Variants in CEMIP observed in about 807,000 individuals in gnomAD.
CEMIP encodes the protein cell migration inducing hyaluronidase 1.
In CEMIP, 105 loss-of-function variants were observed where a neutral mutation model predicts 156.9. That is an observed-to-expected ratio of 0.67 (90% confidence interval 0.57 to 0.79). CEMIP has a LOEUF of 0.79. CEMIP is among the 30% of genes least tolerant of loss of function. The probability of loss-of-function intolerance (pLI) is 0.00; values close to 1 mark genes in which losing one functional copy is unlikely to be tolerated. For synonymous variants in CEMIP, 676 were observed against 668.4 expected, an observed-to-expected ratio of 1.01 and a Z score of -0.17; for missense variants, 1,457 against 1,769.4, an observed-to-expected ratio of 0.82 and a Z score of 3.17.
At chr15:80,832,752 A>G (rs1344475997) in intron 1 of CEMIP, among the ~76,000 whole-genome samples, 9 of 152,220 alleles carry the variant, frequency 5.9e-5, no homozygotes, top group Non-Finnish European at 2.9e-5. Context: ...CTTAAGGCTT[A>G]ACTTTCTCAA....
chr15:80,900,638 G>GTGTGTGTGTCTGTGTC, intron 12 of CEMIP, among the ~76,000 whole-genome samples: 1 of 101,964 alleles, frequency 9.8e-6, no homozygotes, highest in Admixed American at 1.1e-4. Flanking sequence ...GTGTGTGTGT[G>GTGTGTGTGTCTGTGTC]TGTGTGTGTG....
chr15:80,799,278 C>A (rs906569116), intron 1 of CEMIP, among the ~76,000 whole-genome samples: 15 of 152,180 alleles, frequency 9.9e-5, no homozygotes, highest in African/African-American at 3.6e-4. Context: ...GGCTGCCAGC[C>A]GCCTTGTGAG....
chr15:80,808,975 A>C (rs956290071), intron 1 of CEMIP, among the ~76,000 whole-genome samples: 2 of 152,210 alleles, frequency 1.3e-5, no homozygotes, highest in African/African-American at 4.8e-5. Context: ...CAAGATGATA[A>C]ATATGAATGC....
chr15:80,884,554 G>A (rs1272934655), intron 7 of CEMIP, among the ~76,000 whole-genome samples, 200 bp downstream of exon 7: 5 of 152,204 alleles, frequency 3.3e-5, no homozygotes, highest in African/African-American at 1.2e-4. Context: ...TTTCTTACAA[G>A]CATAGTTCAC....
intron 14 of CEMIP, among the ~76,000 whole-genome samples, chr15:80,910,972 G>T (rs1013580148): frequency 6.6e-6 from 1 of 152,238 alleles, no homozygotes; most frequent in African/African-American, 2.4e-5. Flanking sequence ...AATTCAGAAT[G>T]TCAGGGATAA....
chr15:80,804,750 C>T (rs912779358), intron 1 of CEMIP, among the ~76,000 whole-genome samples: 1 of 152,138 alleles, frequency 6.6e-6, no homozygotes, highest in Non-Finnish European at 1.5e-5. Flanking sequence ...AACTCATCTT[C>T]TTTGTATGAT....
chr15:80,825,459 G>T (rs1392526867), intron 1 of CEMIP, among the ~76,000 whole-genome samples: 1 of 152,154 alleles, frequency 6.6e-6, no homozygotes, highest in Non-Finnish European at 1.5e-5. Flanking sequence ...GGTGAAGCAG[G>T]CATTATTTTC....
At position 80,906,772 on chromosome 15, in the gene CEMIP, A is replaced by G. The variant is rs1227575866; in HGVS notation, c.1521A>G (p.Lys507=). The change falls in exon 13 of 30, where the codon AAA becomes AAG. Residue 507 remains lysine (K), a synonymous_variant. Transcript: ENST00000394685. The surrounding 1 kb of genome is among the most constrained non-coding windows in gnomAD (Gnocchi z 4.3). ...TAGTGATGGGGGAGATGGAGGACAA[A>G]TGCTACCCCTACAGAAACCACATCT... ...NIIVMGEMED[K]CYPYRNHICN... 26 of 1,614,026 alleles carry G rather than the reference A, an allele frequency of 1.6e-5. No homozygotes were observed. Among genetic ancestry groups the G allele is most frequent in the Non-Finnish European group, 2.0e-5 (24 of 1,180,028 alleles).
intron 12 of CEMIP, among the ~76,000 whole-genome samples, chr15:80,899,495 C>G (rs561727831): frequency 6.6e-6 from 1 of 152,234 alleles, no homozygotes; most frequent in South Asian, 2.1e-4. Flanking sequence ...TGAGTCTTCC[C>G]AGAGGAATGA....
intron 24 of CEMIP, among the ~76,000 whole-genome samples, chr15:80,937,513 C>A (rs989324815): frequency 1.3e-5 from 2 of 152,164 alleles, no homozygotes; most frequent in Non-Finnish European, 2.9e-5. Context: ...AAAAGAATGT[C>A]TTTTTCCCAA....
At chr15:80,935,707 TAA>T (rs917531469) in intron 23 of CEMIP, among the ~76,000 whole-genome samples, 10 of 152,162 alleles carry the variant, frequency 6.6e-5, no homozygotes, top group Admixed American at 2.0e-4. Flanking sequence ...GGATGTGCCA[TAA>T]AACAGGACAT....
chr15:80,786,556 C>CTGTGTGTG (rs3048927), intron 1 of CEMIP, among the ~76,000 whole-genome samples: 8,753 of 140,626 alleles, frequency 0.062, 376 homozygotes, highest in African/African-American at 0.11. Context: ...GGATGTCTTG[C>CTGTGTGTG]TGTGTGTGTG....
intron 14 of CEMIP, among the ~76,000 whole-genome samples, chr15:80,911,793 G>A (rs1246828930): frequency 6.6e-6 from 1 of 152,270 alleles, no homozygotes; most frequent in Non-Finnish European, 1.5e-5. Flanking sequence ...GACTCAAAAA[G>A]GGGGAAGCGG....
At chr15:80,890,506 G>A (rs995148104) in intron 10 of CEMIP, among the ~76,000 whole-genome samples, 15 of 151,254 alleles carry the variant, frequency 9.9e-5, no homozygotes, top group African/African-American at 2.9e-4. Flanking sequence ...GGAGAATTGC[G>A]TAAACAGGAG....
At chr15:80,843,813 C>T (rs1229562947) in intron 1 of CEMIP, among the ~76,000 whole-genome samples, 1 of 152,170 alleles carries the variant, frequency 6.6e-6, no homozygotes, top group Non-Finnish European at 1.5e-5. Context: ...CCCAGCAGCC[C>T]ACCCAGGTGT....
chr15:80,786,017 A>T (rs1895928368), intron 1 of CEMIP, among the ~76,000 whole-genome samples: 1 of 152,088 alleles, frequency 6.6e-6, no homozygotes, highest in African/African-American at 2.4e-5. Flanking sequence ...TTTTTTTGCG[A>T]TAAAATCTTA....
chr15:80,815,522 T>C (rs954660564), intron 1 of CEMIP, among the ~76,000 whole-genome samples: 1 of 151,810 alleles, frequency 6.6e-6, no homozygotes, highest in African/African-American at 2.4e-5. Flanking sequence ...TATTCTTTTC[T>C]TTTTTCCTTC....
In CEMIP at chr15:80,883,605, A is replaced by T. The variant is rs548589767; in HGVS notation, c.618-570A>T. Reference sequence around the variant, plus strand: ...TTTAATGATTCTAAGATGCATTATCATAAGAATCATTAACAGGTCAATAAA... The same window carrying T: ...TTTAATGATTCTAAGATGCATTATCTTAAGAATCATTAACAGGTCAATAAA... On this transcript the variant is annotated intron_variant, in intron 6 of 29. Transcript: ENST00000394685. Among the ~76,000 whole-genome samples, 9 of 152,376 alleles carry T rather than the reference A, an allele frequency of 5.9e-5. No homozygotes were observed. In the East Asian group the frequency reaches 1.7e-3, roughly 29 times the overall value.
intron 3 of CEMIP, among the ~76,000 whole-genome samples, chr15:80,876,348 G>A (rs186937787): frequency 8.5e-5 from 13 of 152,246 alleles, no homozygotes; most frequent in South Asian, 4.2e-4. Flanking sequence ...CAGTATCACC[G>A]CAGAGAGCCC....
Sources: allele counts gnomAD v4.1 joint callset (sites outside exome capture counted in the v4.1 genomes callset), GRCh38; gene constraint gnomAD v4.1.1; non-coding constraint Gnocchi (gnomAD v3.1); transcripts MANE v1.5; gene names NCBI Gene and HGNC (gene_info 2026-07-23, HGNC 2026-07-21).